RIMS2: variants seen among roughly 807,000 people sequenced by gnomAD.
The protein encoded by RIMS2 is regulating synaptic membrane exocytosis 2, also known as regulating synaptic membrane exocytosis protein 2.
A neutral mutation model predicts 174.4 loss-of-function variants in RIMS2; 59 were observed. The observed-to-expected ratio is 0.34, with a 90% CI of 0.27 to 0.42. The LOEUF (loss-of-function observed/expected upper bound fraction) is 0.42, where lower values mean the gene tolerates loss of function less well. RIMS2 is among the 10% of genes least tolerant of loss of function. RIMS2 has a pLI of 1.00. For missense variants in RIMS2, 1,620 were observed against 1,666.3 expected (o/e 0.97, Z 0.48); for synonymous variants, 606 against 572.5 (o/e 1.06, Z -0.84).
At chr8:103,932,402 T>G (rs952456439) in intron 12 of RIMS2, among the ~76,000 whole-genome samples, 3 of 152,248 alleles carry the variant, frequency 2.0e-5, no homozygotes, top group Non-Finnish European at 2.9e-5. Context: ...ATACATATTT[T>G]GAAGTCAAAG....
At chr8:104,062,002 A>G (rs1242077501) in intron 19 of RIMS2, among the ~76,000 whole-genome samples, 1 of 152,196 alleles carries the variant, frequency 6.6e-6, no homozygotes, top group South Asian at 2.1e-4. Context: ...TTTGATCAAA[A>G]TGATCAAAAA....
chr8:103,632,795 G>A (rs555324456), intron 1 of RIMS2, among the ~76,000 whole-genome samples: 62 of 137,796 alleles, frequency 4.5e-4, no homozygotes, highest in African/African-American at 1.5e-3. Context: ...CTGGAGTGGC[G>A]CAATCTCGGC....
intron 3 of RIMS2, among the ~76,000 whole-genome samples, chr8:103,806,494 A>G (rs1003518146): frequency 6.6e-6 from 1 of 152,148 alleles, no homozygotes. Context: ...TTTGGTCCAA[A>G]AAGCCTTGGA....
chr8:104,245,048 C>T, exon 20 of RIMS2: 1 of 1,613,722 alleles, frequency 6.2e-7, no homozygotes, highest in South Asian at 1.1e-5. Context: ...AGCTACAGCT[C>T]AGAAGGAAAG....
At chr8:104,141,594 C>T (rs1472816557) in intron 19 of RIMS2, among the ~76,000 whole-genome samples, 1 of 152,204 alleles carries the variant, frequency 6.6e-6, no homozygotes, top group East Asian at 1.9e-4. Context: ...TCTGAATAGG[C>T]AGTTAAATAC....
chr8:103,685,431 AT>A lies in RIMS2; in HGVS notation c.177-11652del, dbSNP rs1378163937. On this transcript the variant is annotated intron_variant, in intron 1 of 23. Transcript: ENST00000504942. ...ATTAGCATGAGGAGAGCACCAAGCC[AT>A]TTATGAGGGATCCACCCCCATGACC... Among the ~76,000 whole-genome samples, 5 of 152,260 alleles carry A rather than the reference AT, an allele frequency of 3.3e-5. No individual in the cohort carries two copies. In the East Asian group the frequency reaches 9.6e-4, roughly 29 times the overall value.
intron 19 of RIMS2, among the ~76,000 whole-genome samples, chr8:104,063,687 T>C (rs2097049246): frequency 6.6e-6 from 1 of 152,180 alleles, no homozygotes; most frequent in Non-Finnish European, 1.5e-5. Context: ...AGTTTTCCCT[T>C]GTAAGATCCT....
At chr8:103,896,291 C>T (rs1372605426) in intron 4 of RIMS2, among the ~76,000 whole-genome samples, 2 of 151,568 alleles carry the variant, frequency 1.3e-5, no homozygotes, top group East Asian at 3.9e-4. Context: ...CTTCTGGTAG[C>T]AAAAAAGCTG....
intron 19 of RIMS2, among the ~76,000 whole-genome samples, chr8:104,065,692 A>G (rs1178288296): frequency 6.6e-6 from 1 of 152,130 alleles, no homozygotes; most frequent in African/African-American, 2.4e-5. Flanking sequence ...TTGAAGTTAT[A>G]AGGTAAAAGG....
chr8:104,058,487 G>T (rs985854446), intron 19 of RIMS2, among the ~76,000 whole-genome samples: 5 of 150,798 alleles, frequency 3.3e-5, no homozygotes, highest in Non-Finnish European at 7.4e-5. Flanking sequence ...CAGATGAGTA[G>T]GTTGCAAAAA....
intron 19 of RIMS2, among the ~76,000 whole-genome samples, chr8:104,035,732 C>T (rs1049029488): frequency 6.6e-5 from 10 of 151,940 alleles, no homozygotes; most frequent in Non-Finnish European, 1.5e-4. Flanking sequence ...CCACATCAGT[C>T]TTCTTATTAA....
At chr8:104,044,819 A>T (rs1006030074) in intron 19 of RIMS2, among the ~76,000 whole-genome samples, 1 of 151,688 alleles carries the variant, frequency 6.6e-6, no homozygotes, top group Non-Finnish European at 1.5e-5. Context: ...TGTGTTTTGG[A>T]TTCTACAAAC....
intron 1 of RIMS2, among the ~76,000 whole-genome samples, chr8:103,563,186 C>T (rs2091870812): frequency 6.6e-6 from 1 of 152,184 alleles, no homozygotes; most frequent in African/African-American, 2.4e-5. Flanking sequence ...CTGCAGCTGG[C>T]TTGAATTTCT....
chr8:103,531,087 T>C (rs910646610), intron 1 of RIMS2, among the ~76,000 whole-genome samples: 4 of 151,454 alleles, frequency 2.6e-5, no homozygotes, highest in Non-Finnish European at 5.9e-5. Context: ...GATAAAAAAT[T>C]AGTAAAACTA....
intron 2 of RIMS2, among the ~76,000 whole-genome samples, chr8:103,754,322 A>C (rs1197823527): frequency 1.3e-5 from 2 of 152,114 alleles, no homozygotes; most frequent in Non-Finnish European, 2.9e-5. Context: ...GTTGTTTTAC[A>C]TTTGCTGAGG....
intron 19 of RIMS2, among the ~76,000 whole-genome samples, chr8:104,084,823 TTGTCTCCACAA>T (rs2154563762): frequency 6.6e-6 from 1 of 152,292 alleles, no homozygotes; most frequent in East Asian, 1.9e-4. Context: ...TAAGAAGGTA[TTGTCTCCACAA>T]TGTGAATCTA....
At chr8:103,653,143 A>G (rs953139949) in intron 1 of RIMS2, among the ~76,000 whole-genome samples, 1 of 152,300 alleles carries the variant, frequency 6.6e-6, no homozygotes, top group Middle Eastern at 3.4e-3. Context: ...TGAGAACCCA[A>G]ATATGCTCCA....
chr8:103,558,194 GA>G (rs896064582), intron 1 of RIMS2, among the ~76,000 whole-genome samples: 1 of 151,452 alleles, frequency 6.6e-6, no homozygotes, highest in South Asian at 2.1e-4. Context: ...GACAAAAGAG[GA>G]AAAAAAAGAA....
At chr8:103,710,882 A>G (rs1376281505) in intron 2 of RIMS2, among the ~76,000 whole-genome samples, 1 of 152,174 alleles carries the variant, frequency 6.6e-6, no homozygotes, top group Non-Finnish European at 1.5e-5. Context: ...TTTGAAATAT[A>G]TTGATATACA....
Sources: gnomAD v4.1 joint callset for allele counts (sites outside exome capture counted in the v4.1 genomes callset) on GRCh38, gnomAD v4.1.1 for gene constraint, MANE v1.5 for transcripts, NCBI Gene and HGNC (gene_info 2026-07-23, HGNC 2026-07-21) for gene names.